Variants in EYS observed in about 807,000 individuals in gnomAD.
EYS encodes protein eyes shut homolog.
In EYS, 250 loss-of-function variants were observed where a neutral mutation model predicts 282.1. The observed-to-expected ratio is 0.89, with a 90% CI of 0.80 to 0.98. EYS has a LOEUF of 0.98. Among genes scored for constraint, EYS ranks in the 50% least tolerant of loss-of-function variants. EYS has a pLI of 0.00. For synonymous variants in EYS, 1,355 were observed against 1,282.9 expected, an observed-to-expected ratio of 1.06 and a Z score of -1.20; for missense variants, 4,016 against 3,709.0, an observed-to-expected ratio of 1.08 and a Z score of -2.15.
intron 13 of EYS, among the ~76,000 whole-genome samples, chr6:65,043,384 T>A (rs1772997553): frequency 6.6e-6 from 1 of 151,532 alleles, no homozygotes; most frequent in Non-Finnish European, 1.5e-5. Context: ...ATTATTTTTA[T>A]ATCAGTGTGT....
At chr6:65,140,157 A>T (rs1764291370) in intron 12 of EYS, among the ~76,000 whole-genome samples, 1 of 152,100 alleles carries the variant, frequency 6.6e-6, no homozygotes, top group Non-Finnish European at 1.5e-5. Flanking sequence ...AAAATAAAAA[A>T]TTAGAAAGTC....
In EYS at chr6:64,703,727, G is replaced by A. The variant is rs144893267; in HGVS notation, c.3444-77482C>T. Reference sequence around the variant, plus strand: ...GCATTTAAATATATAATCTCACCACGCAAACTGTGGTAATTGTTATTACAA... The same window carrying A: ...GCATTTAAATATATAATCTCACCACACAAACTGTGGTAATTGTTATTACAA... On this transcript the variant is annotated intron_variant, in intron 22 of 42. Transcript: ENST00000503581. Among the ~76,000 whole-genome samples the A allele has an allele frequency of 9.1e-4, 138 of 151,922 alleles. No individual in the cohort carries two copies. In the Middle Eastern group the frequency reaches 0.01, roughly 11 times the overall value.
At chr6:65,071,780 T>C (rs1329842237) in intron 12 of EYS, among the ~76,000 whole-genome samples, 4 of 151,782 alleles carry the variant, frequency 2.6e-5, no homozygotes, top group Non-Finnish European at 1.5e-5. Flanking sequence ...ATTGAATGTG[T>C]CCTCTCCAAA....
At chr6:65,694,281 AT>A (rs61208728) in intron 1 of EYS, among the ~76,000 whole-genome samples, 7,810 of 149,730 alleles carry the variant, frequency 0.052, 775 homozygotes, top group African/African-American at 0.17. Context: ...AAATAAAAAA[AT>A]ATATATATAT....
At chr6:65,419,588 G>A (rs75872826) in intron 5 of EYS, among the ~76,000 whole-genome samples, 2,039 of 151,836 alleles carry the variant, frequency 0.013, 23 homozygotes, top group Middle Eastern at 0.045. Context: ...TTTCACATGC[G>A]ATTTTAAATT....
At chr6:63,732,097 G>C (rs1394230800) in intron 41 of EYS, among the ~76,000 whole-genome samples, 1 of 151,676 alleles carries the variant, frequency 6.6e-6, no homozygotes, top group Non-Finnish European at 1.5e-5. Flanking sequence ...GCTGATACTG[G>C]GTCAGTGCAG....
intron 11 of EYS, among the ~76,000 whole-genome samples, chr6:65,313,632 A>G (rs1051170813): frequency 1.3e-5 from 2 of 151,666 alleles, no homozygotes; most frequent in Admixed American, 1.3e-4. Flanking sequence ...CAGTCTACCT[A>G]CTAAATACCC....
chr6:63,957,918 G>C lies in EYS; in HGVS notation c.7055+26465C>G, dbSNP rs1207538602. ...TTTTCTGTAAAATCTGATTATGACA[G>C]ACAAACAATTTAGTGCAACTTACTG... On this transcript the variant is annotated intron_variant, in intron 35 of 42. Transcript: ENST00000503581. 2.1e-5 allele frequency among the ~76,000 whole-genome samples: 3 copies of C among 140,844 alleles called. 1 individual carries two copies. Among genetic ancestry groups the C allele is most frequent in the Non-Finnish European group, 4.8e-5 (3 of 61,978 alleles). The allele number at this position is 140,844 out of a possible 152,430, so 92.4% of individuals were successfully genotyped here.
At chr6:64,274,759 C>T (rs1006973404) in intron 30 of EYS, among the ~76,000 whole-genome samples, 5 of 151,890 alleles carry the variant, frequency 3.3e-5, no homozygotes, top group Non-Finnish European at 7.4e-5. Context: ...CTACAAGTAC[C>T]GAACTTAGAC....
intron 26 of EYS, among the ~76,000 whole-genome samples, chr6:64,456,399 C>T (rs142624001): frequency 0.015 from 2,264 of 152,030 alleles, 16 homozygotes; most frequent in East Asian, 0.032. Context: ...TTTTTATAAG[C>T]CTGTAGTTAC....
intron 22 of EYS, among the ~76,000 whole-genome samples, chr6:64,643,555 A>T (rs1768246993): frequency 6.6e-6 from 1 of 151,794 alleles, no homozygotes. Flanking sequence ...GGTGTTAACA[A>T]TGATTTCCCA....
At chr6:63,966,166 A>G (rs994228976) in intron 35 of EYS, among the ~76,000 whole-genome samples, 1 of 152,334 alleles carries the variant, frequency 6.6e-6, no homozygotes, top group Non-Finnish European at 1.5e-5. Context: ...TATGTACACA[A>G]TGGAATACTA....
intron 26 of EYS, among the ~76,000 whole-genome samples, chr6:64,439,651 A>G (rs1774869035): frequency 6.6e-6 from 1 of 151,898 alleles, no homozygotes; most frequent in South Asian, 2.1e-4. Flanking sequence ...CACATTTTCT[A>G]AATATGTACT....
chr6:64,739,935 T>G (rs1403603641), intron 22 of EYS, among the ~76,000 whole-genome samples: 1 of 152,138 alleles, frequency 6.6e-6, no homozygotes, highest in Non-Finnish European at 1.5e-5. Flanking sequence ...TGTTAATAGT[T>G]GTTACACACA....
intron 30 of EYS, among the ~76,000 whole-genome samples, chr6:64,293,539 C>T (rs1486849981): frequency 2.0e-5 from 3 of 151,954 alleles, no homozygotes; most frequent in Admixed American, 2.0e-4. Context: ...GGTAACATAA[C>T]ATTTAGTCCT....
intron 26 of EYS, among the ~76,000 whole-genome samples, chr6:64,445,441 A>G (rs1298357857): frequency 6.6e-6 from 1 of 152,192 alleles, no homozygotes; most frequent in Non-Finnish European, 1.5e-5. Flanking sequence ...TCTGAATTGT[A>G]TGGATTCATA....
At chr6:64,634,870 C>A (rs1767918653) in intron 22 of EYS, among the ~76,000 whole-genome samples, 1 of 152,026 alleles carries the variant, frequency 6.6e-6, no homozygotes, top group Non-Finnish European at 1.5e-5. Context: ...TAAGAGATAA[C>A]AAGCATGATG....
intron 35 of EYS, among the ~76,000 whole-genome samples, chr6:63,951,273 A>T (rs1482226116): frequency 6.6e-6 from 1 of 152,062 alleles, no homozygotes; most frequent in African/African-American, 2.4e-5. Flanking sequence ...CCCCAATATA[A>T]ACTCGACAAT....
intron 12 of EYS, among the ~76,000 whole-genome samples, chr6:65,287,460 C>G (rs1424627093): frequency 6.6e-6 from 1 of 151,390 alleles, no homozygotes; most frequent in East Asian, 1.9e-4. Flanking sequence ...CAATTAGAAC[C>G]AACATCAAAT....
Sources: allele counts gnomAD v4.1 joint callset (sites outside exome capture counted in the v4.1 genomes callset), GRCh38; gene constraint gnomAD v4.1.1; transcripts MANE v1.5; gene names NCBI Gene and HGNC (gene_info 2026-07-23, HGNC 2026-07-21).